The following SLC7A7 variants were observed in gnomAD, a reference collection of about 807,000 sequenced individuals.
The protein encoded by SLC7A7 is Y+L amino acid transporter 1.
SLC7A7 carries 39 observed loss-of-function variants against 47.9 expected under a neutral mutation model. The ratio of observed to expected loss-of-function variants is 0.81; its 90% confidence interval spans 0.63 to 1.06. The LOEUF is 1.06. Ranked by LOEUF, SLC7A7 falls within the 50% of genes least tolerant of loss-of-function variation. The probability of loss-of-function intolerance (pLI) is 0.00; values close to 1 mark genes in which losing one functional copy is unlikely to be tolerated. For synonymous variants in SLC7A7, 234 were observed against 242.8 expected, an observed-to-expected ratio of 0.96 and a Z score of 0.34; for missense variants, 588 against 632.0, an observed-to-expected ratio of 0.93 and a Z score of 0.75.
intron 2 of SLC7A7, among the ~76,000 whole-genome samples, chr14:22,782,681 C>T (rs1566445305): frequency 6.6e-6 from 1 of 151,730 alleles, no homozygotes; most frequent in Non-Finnish European, 1.5e-5. Flanking sequence ...AGGCTAATCT[C>T]GAACTCCTGA....
intron 2 of SLC7A7, among the ~76,000 whole-genome samples, chr14:22,792,867 AAGAGAGAG>A (rs113285148): frequency 1.3e-4 from 16 of 122,520 alleles, no homozygotes; most frequent in South Asian, 2.9e-4. Flanking sequence ...CAAAGAAAGA[AAGAGAGAG>A]AGAGAGAGAG....
At chr14:22,784,095 C>G (rs567608878) in intron 2 of SLC7A7, among the ~76,000 whole-genome samples, 2 of 152,322 alleles carry the variant, frequency 1.3e-5, no homozygotes, top group African/African-American at 4.8e-5. Flanking sequence ...CAACCTCCTG[C>G]TTCAGGGCCA....
chr14:22,780,988 G>A (rs975983030), intron 2 of SLC7A7, among the ~76,000 whole-genome samples: 1 of 152,072 alleles, frequency 6.6e-6, no homozygotes, highest in Non-Finnish European at 1.5e-5. Flanking sequence ...AGGTTGACCA[G>A]TAGCCCCAGA....
At chr14:22,775,586 G>T in intron 6 of SLC7A7, 46 bp from the exon 7 acceptor site, 1 of 1,521,580 alleles carries the variant, frequency 6.6e-7, no homozygotes, top group Non-Finnish European at 9.1e-7. Flanking sequence ...GGTGGACACG[G>T]TGCAGCCTGG....
At chr14:22,789,318 A>G (rs906175434) in intron 2 of SLC7A7, among the ~76,000 whole-genome samples, 5 of 152,018 alleles carry the variant, frequency 3.3e-5, no homozygotes, top group Non-Finnish European at 7.4e-5. Flanking sequence ...GGCAAGGGAG[A>G]ATTAAAGTTG....
intron 5 of SLC7A7, 126 bp downstream of exon 5, chr14:22,776,069 C>T: frequency 1.3e-6 from 2 of 1,487,488 alleles, no homozygotes; most frequent in Non-Finnish European, 1.9e-6. Flanking sequence ...GACCTTCTTG[C>T]AAGCCCGGTA....
chr14:22,792,417 G>A (rs1594962098), intron 2 of SLC7A7, among the ~76,000 whole-genome samples: 1 of 152,058 alleles, frequency 6.6e-6, no homozygotes, highest in African/African-American at 2.4e-5. Context: ...TTACAAATTA[G>A]CTGGACTTGG....
At chr14:22,803,830 A>G (rs1403803979) in intron 2 of SLC7A7, among the ~76,000 whole-genome samples, 1 of 152,168 alleles carries the variant, frequency 6.6e-6, no homozygotes, top group Non-Finnish European at 1.5e-5. Context: ...CCACATATAC[A>G]TGTTTAAGTG....
At chr14:22,816,880 T>C (rs1327672463), upstream of SLC7A7, among the ~76,000 whole-genome samples, 2 of 152,078 alleles carry the variant, frequency 1.3e-5, no homozygotes, top group Admixed American at 6.6e-5. Context: ...CCAGAGATCA[T>C]GCTTCTCCCA....
chr14:22,792,613 T>C (rs2038942056), intron 2 of SLC7A7, among the ~76,000 whole-genome samples: 1 of 152,020 alleles, frequency 6.6e-6, no homozygotes, highest in Admixed American at 6.6e-5. Flanking sequence ...TCCCAGCATT[T>C]TGGGAAGCCG....
chr14:22,819,185 G>A (rs2039444747), upstream of SLC7A7, among the ~76,000 whole-genome samples: 1 of 152,088 alleles, frequency 6.6e-6, no homozygotes, highest in Non-Finnish European at 1.5e-5. Flanking sequence ...CCTCAGCCAA[G>A]CTCAGGGAAC....
At chr14:22,786,840 G>A (rs1269738924) in intron 2 of SLC7A7, among the ~76,000 whole-genome samples, 1 of 152,132 alleles carries the variant, frequency 6.6e-6, no homozygotes, top group Non-Finnish European at 1.5e-5. Flanking sequence ...GGAGGTTGAG[G>A]CAGGGGGATC....
At chr14:22,794,471 T>C (rs972782772) in intron 2 of SLC7A7, among the ~76,000 whole-genome samples, 2 of 152,062 alleles carry the variant, frequency 1.3e-5, no homozygotes, top group Non-Finnish European at 2.9e-5. Context: ...AATCCAATCC[T>C]TATTGGTTTG....
chr14:22,783,083 AC>A (rs2038749164), intron 2 of SLC7A7, among the ~76,000 whole-genome samples: 1 of 151,232 alleles, frequency 6.6e-6, no homozygotes, highest in African/African-American at 2.4e-5. Flanking sequence ...ACAAGTGCCC[AC>A]CACCACACCT....
At chr14:22,803,758 C>T (rs2039155606) in intron 2 of SLC7A7, among the ~76,000 whole-genome samples, 1 of 152,158 alleles carries the variant, frequency 6.6e-6, no homozygotes, top group Non-Finnish European at 1.5e-5. Context: ...TCCTTTCATC[C>T]TTCAGTGCTG....
At position 22,784,055 on chromosome 14, in the gene SLC7A7, A is replaced by G. The variant is rs537721140; in HGVS notation, c.500-4004T>C. Among the ~76,000 whole-genome samples the G allele has an allele frequency of 5.3e-5, 8 of 152,344 alleles. No individual in the cohort carries two copies. In the East Asian group the frequency reaches 1.5e-3, roughly 29 times the overall value. Reference sequence around the variant, plus strand: ...CAGCTGACCACTGGCCCCAGAGCCCAGCTAAGTGCACTGCTCTTGAAGTGG... The same window carrying G: ...CAGCTGACCACTGGCCCCAGAGCCCGGCTAAGTGCACTGCTCTTGAAGTGG... On this transcript the variant is annotated intron_variant, in intron 2 of 9. Coordinates refer to ENST00000674313, the MANE Select transcript of SLC7A7 (RefSeq NM_003982.4).
chr14:22,779,051 C>T, intron 3 of SLC7A7, 114 bp from the exon 4 acceptor site: 1 of 1,350,060 alleles, frequency 7.4e-7, no homozygotes, highest in Non-Finnish European at 1.0e-6. Flanking sequence ...AAGTGGCCTA[C>T]AACACCTTTG....
Position 22,813,088 on chromosome 14 carries a change from T to C in SLC7A7, c.311A>G (p.Tyr104Cys). The change falls in exon 2 of 10, where the codon TAT becomes TGT. Residue 104 changes from tyrosine (Y) to cysteine (C), a missense_variant. Coordinates refer to ENST00000674313, the MANE Select transcript of SLC7A7 (RefSeq NM_003982.4). ...TCCAAAGGCCTCCAGGATATAGGCA[T>C]AGCTGGCCCCAGATTTCTTAATGGT... ...GTTIKKSGAS[Y>C]AYILEAFGGF... 1.2e-6 allele frequency: 2 copies of C among 1,614,110 alleles called. No individual in the cohort carries two copies. The highest frequency in any genetic ancestry group is 1.7e-6 in the Non-Finnish European group (2 of 1,180,020).
chr14:22,778,803 T>G lies in SLC7A7; in HGVS notation c.760A>C (p.Asn254His), dbSNP rs2038663013. Residue 254 changes from asparagine to histidine, a missense_variant, in exon 4 of 10, where the codon AAT becomes CAT. By Grantham distance (68) the Asn-to-His change is moderately conservative (BLOSUM62 1). Transcript: ENST00000674313. ...TGGTGCAGTACCTACCTCTCAGGAT[T>G]CTTGATCTCTTCAGTGACATAGTTG... ...TLNYVTEEIK[N>H]PERNLPLSIG... is the part of the protein sequence containing the mutation. 1.2e-6 allele frequency: 2 copies of G among 1,614,172 alleles called. No individual in the cohort carries two copies. The highest frequency in any genetic ancestry group is 1.7e-6 in the Non-Finnish European group (2 of 1,180,016).
Sources: gnomAD v4.1 joint callset for allele counts (sites outside exome capture counted in the v4.1 genomes callset) on GRCh38, gnomAD v4.1.1 for gene constraint, MANE v1.5 for transcripts, NCBI Gene and HGNC (gene_info 2026-07-23, HGNC 2026-07-21) for gene names.